GYPC: variants seen among roughly 807,000 people sequenced by gnomAD.
GYPC encodes the protein glycophorin C (Gerbich blood group), also known as glycophorin-C.
Under a neutral mutation model 12.6 loss-of-function variants are expected in GYPC, and 14 were observed. The observed-to-expected ratio is 1.11, with a 90% CI of 0.74 to 1.74. GYPC has a LOEUF of 1.74. GYPC is among the 40% of genes most tolerant of loss of function. The pLI, the probability that GYPC is intolerant of heterozygous loss-of-function variation, is 0.00. For synonymous variants in GYPC, 78 were observed against 62.1 expected, an observed-to-expected ratio of 1.26 and a Z score of -1.20; for missense variants, 225 against 172.1, an observed-to-expected ratio of 1.31 and a Z score of -1.72.
At chr2:126,692,293 G>C (rs1306668713) in intron 2 of GYPC, among the ~76,000 whole-genome samples, 2 of 152,018 alleles carry the variant, frequency 1.3e-5, no homozygotes, top group Non-Finnish European at 2.9e-5. Context: ...CAAGCTCCTT[G>C]GTGGCCCCAG....
rs182304695 is a variant in GYPC at position 126,686,892 on chromosome 2, T to G, written c.50-3363T>G. Among the ~76,000 whole-genome samples the G allele has an allele frequency of 1.4e-4, 21 of 152,020 alleles. No homozygotes were observed. The East Asian group carries it at 3.3e-3, about 24-fold the overall frequency. ...ATCCTAGTTGCTGAGCTCAGCATGA[T>G]CCTAATCTCAACCTCAGAAGTATCC... is the stretch of plus-strand genomic sequence containing the variant. On this transcript the variant is annotated intron_variant, in intron 1 of 3. Coordinates refer to ENST00000259254, the MANE Select transcript of GYPC (RefSeq NM_002101.5).
chr2:126,694,022 C>A, intron 3 of GYPC, 75 bp downstream of exon 3: 1 of 1,030,030 alleles, frequency 9.7e-7, no homozygotes, highest in South Asian at 1.3e-5. Flanking sequence ...GGAGAACTGA[C>A]CTAAGGACTT....
chr2:126,690,282 C>A lies in GYPC; in HGVS notation c.77C>A (p.Ser26Tyr), dbSNP rs374806492. Reference sequence around the variant, plus strand: ...CCTGATCCGGGGATGGCCTCTGCCTCCACCACAATGCATACTACCACCATT... The same window carrying A: ...CCTGATCCGGGGATGGCCTCTGCCTACACCACAATGCATACTACCACCATT... ...LEPDPGMASA[S>Y]TTMHTTTIAE... The change falls in exon 2 of 4, where the codon TCC becomes TAC. Residue 26 changes from serine to tyrosine, a missense_variant. Ser to Tyr is a moderately radical substitution (Grantham distance 144, BLOSUM62 -2). Coordinates refer to ENST00000259254, the MANE Select transcript of GYPC (RefSeq NM_002101.5). 1.7e-5 allele frequency: 27 copies of A among 1,612,996 alleles called. No homozygotes were observed. Among genetic ancestry groups the A allele is most frequent in the Middle Eastern group, 1.6e-4 (1 of 6,076 alleles).
chr2:126,696,468 G>A lies in GYPC; in HGVS notation c.*326G>A. The A allele has an allele frequency of 5.2e-6, 2 of 385,432 alleles. No individual in the cohort carries two copies. The highest frequency in any genetic ancestry group is 9.9e-6 in the Non-Finnish European group (2 of 201,174). The allele number at this position is 385,432 out of a possible 1,614,324, so 23.9% of individuals were successfully genotyped here. On this transcript the variant is annotated 3_prime_UTR_variant, in exon 4 of 4. Transcript: ENST00000259254. ...TCAGCTCACTGGCAGGAAAGTCCTT[G>A]TTGAGGGTGAGGGGGTGCTGGGGTA... is the stretch of plus-strand genomic sequence containing the variant.
rs182550193 is a variant in GYPC, at chr2:126,693,730, C to T, written c.107-134C>T. On this transcript the variant is annotated intron_variant, in intron 2 of 3. Transcript: ENST00000259254. ...TCCCTGCTAGGAGCAGTGGGTGCGCCGCACTGCTCCTTTCCACTTGGACCC... is the reference window on the plus strand; with the variant it reads ...TCCCTGCTAGGAGCAGTGGGTGCGCTGCACTGCTCCTTTCCACTTGGACCC... 1.5e-4 allele frequency: 109 copies of T among 746,162 alleles called. 1 individual carries two copies. The highest frequency in any genetic ancestry group is 2.3e-4 in the East Asian group (9 of 39,646). 46.2% of individuals were successfully genotyped at this position (746,162 alleles called of 1,614,324 possible). A position where few individuals can be genotyped will look rare whatever the true frequency, so the allele number is the denominator to read the frequency against.
intron 1 of GYPC, among the ~76,000 whole-genome samples, chr2:126,663,610 G>A (rs1682599572): frequency 6.6e-6 from 1 of 152,208 alleles, no homozygotes; most frequent in Non-Finnish European, 1.5e-5. Flanking sequence ...AGGAATGAGT[G>A]AATGAGTCAG....
intron 3 of GYPC, among the ~76,000 whole-genome samples, chr2:126,695,208 T>C (rs1683606635): frequency 6.6e-6 from 1 of 152,198 alleles, no homozygotes; most frequent in South Asian, 2.1e-4. Flanking sequence ...ATAGTGTACA[T>C]AGAGCAACCA....
chr2:126,659,267 T>A (rs150931948), intron 1 of GYPC, among the ~76,000 whole-genome samples: 5 of 152,334 alleles, frequency 3.3e-5, no homozygotes. Context: ...AAGTGTCGGT[T>A]GATGCTTTTG....
intron 3 of GYPC, among the ~76,000 whole-genome samples, chr2:126,695,614 T>C (rs1683617953): frequency 6.6e-6 from 1 of 152,216 alleles, no homozygotes; most frequent in Non-Finnish European, 1.5e-5. Flanking sequence ...GCTGGCAATA[T>C]ATAGTATGAT....
intron 1 of GYPC, among the ~76,000 whole-genome samples, chr2:126,668,635 A>G (rs1682752156): frequency 2.0e-5 from 3 of 152,268 alleles, no homozygotes; most frequent in African/African-American, 7.2e-5. Context: ...TCCAGGAAGA[A>G]ATCTGAAATG....
chr2:126,687,186 G>A (rs1304862471), intron 1 of GYPC, among the ~76,000 whole-genome samples: 2 of 152,184 alleles, frequency 1.3e-5, no homozygotes, highest in East Asian at 3.8e-4. Context: ...AGCTGCCTTA[G>A]ATGCTGAGCT....
intron 1 of GYPC, chr2:126,657,770 T>C (rs1414406823): frequency 6.6e-6 from 1 of 152,360 alleles, no homozygotes; most frequent in Non-Finnish European, 1.5e-5. Context: ...GGACTCAGGT[T>C]TCAGACCTTC....
chr2:126,666,536 A>G (rs1682683667), intron 1 of GYPC, among the ~76,000 whole-genome samples: 1 of 152,166 alleles, frequency 6.6e-6, no homozygotes, highest in Admixed American at 6.5e-5. Flanking sequence ...GTTGCAATAG[A>G]GGAGCCAGAC....
intron 1 of GYPC, among the ~76,000 whole-genome samples, chr2:126,688,608 C>T (rs547003325): frequency 6.6e-6 from 1 of 152,256 alleles, no homozygotes; most frequent in East Asian, 1.9e-4. Context: ...GTGCTGACTC[C>T]AGACCCAGAG....
intron 1 of GYPC, chr2:126,686,531 TCC>T (rs1164551568): frequency 1.0e-6 from 1 of 985,264 alleles, no homozygotes; most frequent in African/African-American, 1.7e-5. Flanking sequence ...GGTTCGTGGT[TCC>T]CCAGAAGGCT....
chr2:126,660,849 G>A (rs1226752486), intron 1 of GYPC, among the ~76,000 whole-genome samples: 1 of 152,046 alleles, frequency 6.6e-6, no homozygotes, highest in Non-Finnish European at 1.5e-5. Context: ...CAGTTGTTGG[G>A]CCCCAGGAAT....
In GYPC at chr2:126,675,645, C is replaced by G. The variant is rs28387147; in HGVS notation, c.50-14610C>G. ...TCAAAACTCTAGAGAATCCCCTTCT[C>G]TATGACCTCTTCACCTGTCGTGGCT... On this transcript the variant is annotated intron_variant, in intron 1 of 3. Transcript: ENST00000259254. 2,133 of 981,028 alleles carry G rather than the reference C, an allele frequency of 2.2e-3. 38 individuals carry two copies. In the African/African-American group the frequency reaches 0.035, roughly 16 times the overall value. 60.8% of individuals were successfully genotyped at this position (981,028 alleles called of 1,614,324 possible). A position where few individuals can be genotyped will look rare whatever the true frequency, so the allele number is the denominator to read the frequency against.
chr2:126,676,959 C>T (rs901881836), intron 1 of GYPC, among the ~76,000 whole-genome samples: 1 of 152,196 alleles, frequency 6.6e-6, no homozygotes, highest in African/African-American at 2.4e-5. Flanking sequence ...GGAGGGTTCA[C>T]AGCACAGCTG....
chr2:126,672,116 G>A (rs1012171270), intron 1 of GYPC, among the ~76,000 whole-genome samples: 3 of 152,176 alleles, frequency 2.0e-5, no homozygotes, highest in African/African-American at 4.8e-5. Flanking sequence ...CAGGTGGACA[G>A]GTGAGGTGGT....
Sources: allele counts gnomAD v4.1 joint callset (sites outside exome capture counted in the v4.1 genomes callset), GRCh38; gene constraint gnomAD v4.1.1; transcripts MANE v1.5; gene names NCBI Gene and HGNC (gene_info 2026-07-23, HGNC 2026-07-21).